Variants in GREB1L observed in about 807,000 individuals in gnomAD.
GREB1L encodes the protein GREB1 like retinoic acid receptor coactivator.
A neutral mutation model predicts 200.8 loss-of-function variants in GREB1L; 17 were observed. That is an observed-to-expected ratio of 0.08 (90% CI 0.06 to 0.13). GREB1L has a LOEUF of 0.13. Ranked by LOEUF, GREB1L falls within the 10% of genes least tolerant of loss-of-function variation. The probability of loss-of-function intolerance (pLI) is 1.00; values close to 1 mark genes in which losing one functional copy is unlikely to be tolerated. For synonymous variants in GREB1L, 789 were observed against 893.0 expected (o/e 0.88, Z 2.08); for missense variants, 1,657 against 2,367.7 (o/e 0.70, Z 6.23).
At chr18:21,498,027 G>A (rs2036622162) in intron 21 of GREB1L, among the ~76,000 whole-genome samples, 1 of 151,796 alleles carries the variant, frequency 6.6e-6, no homozygotes, top group Non-Finnish European at 1.5e-5. Context: ...TCACCATGTT[G>A]GCCAGGCTGG....
intron 4 of GREB1L, among the ~76,000 whole-genome samples, chr18:21,388,561 A>G (rs1227023989): frequency 1.8e-5 from 1 of 54,136 alleles, no homozygotes; most frequent in African/African-American, 6.8e-5. Context: ...TTTTTTTTTG[A>G]GACTGAATCT....
chr18:21,278,389 A>AAAAATAAAT (rs750178610), intron 1 of GREB1L, among the ~76,000 whole-genome samples: 8 of 125,610 alleles, frequency 6.4e-5, no homozygotes, highest in Admixed American at 5.7e-4. Flanking sequence ...TCAAAAAAAA[A>AAAAATAAAT]AAATAAATAA....
At chr18:21,499,285 C>T (rs1360144981) in intron 21 of GREB1L, among the ~76,000 whole-genome samples, 3 of 152,082 alleles carry the variant, frequency 2.0e-5, no homozygotes, top group South Asian at 4.1e-4. Context: ...ATTTGAGGAG[C>T]GTTTAGTAGA....
chr18:21,431,312 A>C (rs1223098791), intron 7 of GREB1L, among the ~76,000 whole-genome samples: 1 of 152,232 alleles, frequency 6.6e-6, no homozygotes, highest in Non-Finnish European at 1.5e-5. Flanking sequence ...GGCGTCAGCC[A>C]CCGCATCCAA....
chr18:21,422,261 T>A (rs1429259252), intron 7 of GREB1L, among the ~76,000 whole-genome samples: 1 of 152,156 alleles, frequency 6.6e-6, no homozygotes, highest in Non-Finnish European at 1.5e-5. Context: ...TGACAGGGGA[T>A]CACATTTTGG....
intron 7 of GREB1L, among the ~76,000 whole-genome samples, chr18:21,405,471 G>A (rs2030081236): frequency 6.6e-6 from 1 of 152,218 alleles, no homozygotes; most frequent in Non-Finnish European, 1.5e-5. Context: ...CTGTAAGGCA[G>A]GGTTTCAGTA....
intron 18 of GREB1L, among the ~76,000 whole-genome samples, chr18:21,486,547 T>C (rs1271022479): frequency 1.3e-5 from 2 of 152,060 alleles, no homozygotes; most frequent in Non-Finnish European, 1.5e-5. Flanking sequence ...AATCAGATAA[T>C]TGAGGTGAAT....
At chr18:21,401,461 G>A (rs1319818883) in intron 6 of GREB1L, 135 bp downstream of exon 6, 2 of 689,176 alleles carry the variant, frequency 2.9e-6, no homozygotes, top group Non-Finnish European at 4.6e-6. Flanking sequence ...AAAATTTAAA[G>A]CCTTCTGGTA....
chr18:21,361,186 G>C (rs1171029259), intron 1 of GREB1L, among the ~76,000 whole-genome samples: 1 of 152,158 alleles, frequency 6.6e-6, no homozygotes, highest in Non-Finnish European at 1.5e-5. Context: ...GTATACACTG[G>C]GAAAAGCTTG....
At position 21,465,688 on chromosome 18, in the gene GREB1L, G is replaced by A. The variant is rs181990289; in HGVS notation, c.2183-7343G>A. Among the ~76,000 whole-genome samples the A allele has an allele frequency of 1.2e-3, 179 of 152,220 alleles. 4 individuals carry two copies. Among genetic ancestry groups the A allele is most frequent in the Admixed American group, 0.012 (179 of 15,280 alleles). ...CTTTTCATTGATAATGTATCTTTCA[G>A]ATGGAATTCTGTAGAGTTATTATTG... On this transcript the variant is annotated intron_variant, in intron 15 of 32. Transcript: ENST00000424526.
chr18:21,361,667 AT>A (rs544839465), intron 1 of GREB1L, among the ~76,000 whole-genome samples: 2 of 149,736 alleles, frequency 1.3e-5, no homozygotes, highest in African/African-American at 2.5e-5. Flanking sequence ...ATTTTGATGG[AT>A]TTTTTTTTCC....
chr18:21,380,116 C>G (rs1416891250), intron 2 of GREB1L, among the ~76,000 whole-genome samples: 5 of 152,076 alleles, frequency 3.3e-5, no homozygotes, highest in Non-Finnish European at 7.4e-5. Context: ...TTCTTCAAAT[C>G]ATAGGAATCT....
At chr18:21,458,412 G>T (rs886734503) in intron 15 of GREB1L, among the ~76,000 whole-genome samples, 1 of 152,194 alleles carries the variant, frequency 6.6e-6, no homozygotes, top group Admixed American at 6.5e-5. Context: ...CAGTGTCCAA[G>T]GTCTCTGTGT....
chr18:21,302,162 G>A (rs2038627582), intron 1 of GREB1L, among the ~76,000 whole-genome samples: 1 of 152,076 alleles, frequency 6.6e-6, no homozygotes, highest in Non-Finnish European at 1.5e-5. Context: ...CTAAGGAAAA[G>A]CCAACTAAGA....
chr18:21,487,868 A>G lies in GREB1L; in HGVS notation c.2690+2115A>G, dbSNP rs1598915268. 2.0e-5 allele frequency among the ~76,000 whole-genome samples: 3 copies of G among 150,606 alleles called. No individual in the cohort carries two copies. The South Asian group carries it at 6.3e-4, about 32-fold the overall frequency. ...ATACAAAAAAAAAAAAAAATTAGCC[A>G]GGCGTGGTGGCGGGCACCTGTAATC... On this transcript the variant is annotated intron_variant, in intron 18 of 32. Coordinates refer to ENST00000424526, the MANE Select transcript of GREB1L (RefSeq NM_001142966.3).
intron 7 of GREB1L, among the ~76,000 whole-genome samples, chr18:21,438,960 C>CAAAAAAAAAAAAAAAAA (rs59125788): frequency 1.5e-5 from 1 of 64,678 alleles, no homozygotes; most frequent in East Asian, 4.2e-4. Context: ...GACTCTGTCT[C>CAAAAAAAAAAAAAAAAA]AAAAAAAAAA....
In GREB1L at chr18:21,508,626, C is replaced by G. The variant is rs540486250; in HGVS notation, c.4735+35C>G. 141 of 1,516,420 alleles carry G rather than the reference C, an allele frequency of 9.3e-5. No individual in the cohort carries two copies. In the South Asian group the frequency reaches 1.6e-3, roughly 17 times the overall value. 93.9% of individuals were successfully genotyped at this position (1,516,420 alleles called of 1,614,324 possible). ...CCCCCTGGGATGGGGAGAAGGGCTTCGAAGATAAACTGAGCTCCATTCCCC... is the reference window on the plus strand; with the variant it reads ...CCCCCTGGGATGGGGAGAAGGGCTTGGAAGATAAACTGAGCTCCATTCCCC... On this transcript the variant is annotated intron_variant, in intron 27 of 32. Coordinates refer to ENST00000424526, the MANE Select transcript of GREB1L (RefSeq NM_001142966.3).
At chr18:21,283,693 G>GCA (rs1325671691) in intron 1 of GREB1L, among the ~76,000 whole-genome samples, 2 of 152,186 alleles carry the variant, frequency 1.3e-5, no homozygotes, top group Non-Finnish European at 2.9e-5. Flanking sequence ...TTTAACATGA[G>GCA]CAGGGTACTC....
chr18:21,496,234 C>T (rs753923555), intron 20 of GREB1L, among the ~76,000 whole-genome samples: 5 of 152,050 alleles, frequency 3.3e-5, no homozygotes, highest in Admixed American at 6.6e-5. Context: ...CATATGAGCC[C>T]GACACTATCC....
Sources: allele counts gnomAD v4.1 joint callset (sites outside exome capture counted in the v4.1 genomes callset), GRCh38; gene constraint gnomAD v4.1.1; transcripts MANE v1.5; gene names NCBI Gene and HGNC (gene_info 2026-07-23, HGNC 2026-07-21).